TBC1D14: variants seen among roughly 807,000 people sequenced by gnomAD.
TBC1D14 encodes the protein TBC1 domain family, member 14.
Under a neutral mutation model 79.0 loss-of-function variants are expected in TBC1D14, and 26 were observed. The ratio of observed to expected loss-of-function variants is 0.33; its 90% CI spans 0.24 to 0.46. The LOEUF is 0.46. Ranked by LOEUF, TBC1D14 falls within the 20% of genes least tolerant of loss-of-function variation. The probability of loss-of-function intolerance (pLI) is 1.00; values close to 1 mark genes in which losing one functional copy is unlikely to be tolerated. For synonymous variants in TBC1D14, 394 were observed against 349.9 expected (o/e 1.13, Z -1.40); for missense variants, 769 against 887.6 (o/e 0.87, Z 1.70).
chr4:6,924,144 G>T, intron 2 of TBC1D14, 33 bp downstream of exon 2: 1 of 1,585,122 alleles, frequency 6.3e-7, no homozygotes, highest in Non-Finnish European at 8.6e-7. Context: ...GAAGATCGTG[G>T]TGGTTGAGTC....
intron 3 of TBC1D14, among the ~76,000 whole-genome samples, chr4:6,975,853 G>T (rs1716670429): frequency 2.0e-5 from 3 of 152,316 alleles, no homozygotes; most frequent in South Asian, 2.1e-4. Flanking sequence ...AGCACTTTGG[G>T]AGGCTGAGGC....
At chr4:6,960,481 C>T (rs1359692127) in intron 2 of TBC1D14, among the ~76,000 whole-genome samples, 1 of 152,122 alleles carries the variant, frequency 6.6e-6, no homozygotes, top group Admixed American at 6.5e-5. Context: ...TGTGGCTGTA[C>T]AGGCAAATGC....
intron 2 of TBC1D14, among the ~76,000 whole-genome samples, chr4:6,936,267 T>A (rs1188229673): frequency 6.6e-6 from 1 of 152,232 alleles, no homozygotes; most frequent in Non-Finnish European, 1.5e-5. Flanking sequence ...CGTATCACAC[T>A]GAGGAGTTTC....
At chr4:6,972,747 C>G (rs966693723) in intron 3 of TBC1D14, among the ~76,000 whole-genome samples, 12 of 152,180 alleles carry the variant, frequency 7.9e-5, no homozygotes, top group African/African-American at 2.7e-4. Flanking sequence ...TGTATTCTCT[C>G]TCTTGGACAC....
intron 3 of TBC1D14, among the ~76,000 whole-genome samples, chr4:6,970,733 G>T (rs1322762667): frequency 6.8e-6 from 1 of 147,866 alleles, no homozygotes; most frequent in Non-Finnish European, 1.5e-5. Context: ...CTGGGGTCAG[G>T]TGTGCACACT....
chr4:6,979,406 A>T (rs779356256), intron 3 of TBC1D14, among the ~76,000 whole-genome samples: 1 of 152,148 alleles, frequency 6.6e-6, no homozygotes, highest in Non-Finnish European at 1.5e-5. Flanking sequence ...GCAGACGATT[A>T]CTTGAAGCCA....
chr4:6,962,511 C>G (rs553379259), intron 2 of TBC1D14, among the ~76,000 whole-genome samples: 1 of 152,254 alleles, frequency 6.6e-6, no homozygotes, highest in East Asian at 1.9e-4. Flanking sequence ...CTTAATGCTG[C>G]TAGTAGAGTG....
At chr4:7,012,587 C>T (rs995983927) in intron 11 of TBC1D14, among the ~76,000 whole-genome samples, 1 of 152,150 alleles carries the variant, frequency 6.6e-6, no homozygotes, top group African/African-American at 2.4e-5. Context: ...GGTAAGTGAT[C>T]AGTAGTGATG....
chr4:6,956,936 G>A (rs990091758), intron 2 of TBC1D14, among the ~76,000 whole-genome samples: 2 of 152,208 alleles, frequency 1.3e-5, no homozygotes, highest in African/African-American at 4.8e-5. Context: ...AGCTGCTTCC[G>A]GCTACTTGGT....
chr4:7,010,000 A>C, intron 10 of TBC1D14, 52 bp downstream of exon 10: 1 of 1,599,678 alleles, frequency 6.3e-7, no homozygotes, highest in Non-Finnish European at 8.6e-7. Context: ...AAAGAAAGTC[A>C]GATATTGTCC....
intron 1 of TBC1D14, among the ~76,000 whole-genome samples, chr4:6,922,926 C>T (rs1329102380): frequency 2.0e-5 from 3 of 152,154 alleles, no homozygotes; most frequent in Non-Finnish European, 4.4e-5. Flanking sequence ...CTGGGCCAGG[C>T]GTGGTGGCTC....
At chr4:7,025,316 A>T (rs545519992) in intron 13 of TBC1D14, 54 bp downstream of exon 13, 1 of 1,602,344 alleles carries the variant, frequency 6.2e-7, no homozygotes, top group East Asian at 2.2e-5. Context: ...AAGTGGCGCG[A>T]CTCAGGAAGG....
chr4:6,916,653 G>A (rs796429626), intron 1 of TBC1D14, among the ~76,000 whole-genome samples: 9 of 152,238 alleles, frequency 5.9e-5, no homozygotes, highest in African/African-American at 1.7e-4. Context: ...TGAATCCCTC[G>A]GGGGCAGCTG....
intron 6 of TBC1D14, among the ~76,000 whole-genome samples, chr4:7,000,002 G>T (rs901821884): frequency 6.6e-6 from 1 of 152,216 alleles, no homozygotes; most frequent in Admixed American, 6.5e-5. Context: ...GAGCTTGGAT[G>T]CCAGCTTCCC....
At chr4:6,952,366 G>A (rs1486941882) in intron 2 of TBC1D14, among the ~76,000 whole-genome samples, 2 of 152,186 alleles carry the variant, frequency 1.3e-5, no homozygotes, top group Non-Finnish European at 1.5e-5. Context: ...GGGTTTGATC[G>A]TATTCATTAA....
In TBC1D14 at chr4:6,953,629, CAAAAAAAAAAAA is replaced by C. The variant is rs750667631; in HGVS notation, c.723-13664_723-13653del. Among the ~76,000 whole-genome samples, 117 of 55,054 alleles carry C rather than the reference CAAAAAAAAAAAA, an allele frequency of 2.1e-3. 2 individuals are homozygous for C. In the South Asian group the frequency reaches 0.034, roughly 16 times the overall value. 36.1% of individuals were successfully genotyped at this position (55,054 alleles called of 152,430 possible). ...CCTGGGCGACAGCGAGACTCCGTCT[CAAAAAAAAAAAA>C]AAAAAAAAAAGAATAGATCAGTTTT... On this transcript the variant is annotated intron_variant, in intron 2 of 13. Transcript: ENST00000409757.
At chr4:6,931,011 C>T (rs1185449258) in intron 2 of TBC1D14, among the ~76,000 whole-genome samples, 3 of 152,108 alleles carry the variant, frequency 2.0e-5, no homozygotes. Flanking sequence ...AACGCTTCTC[C>T]TGCCTCAGCC....
At chr4:7,009,483 A>C (rs1398787149) in intron 9 of TBC1D14, among the ~76,000 whole-genome samples, 1 of 152,202 alleles carries the variant, frequency 6.6e-6, no homozygotes, top group African/African-American at 2.4e-5. Context: ...GATAGTCAGG[A>C]TGTGGGGCAC....
At chr4:6,945,138 A>G (rs963097235) in intron 2 of TBC1D14, among the ~76,000 whole-genome samples, 6 of 152,146 alleles carry the variant, frequency 3.9e-5, no homozygotes, top group African/African-American at 1.2e-4. Context: ...ACATTGTGTC[A>G]GGCTCTGAGC....
Sources: allele counts gnomAD v4.1 joint callset (sites outside exome capture counted in the v4.1 genomes callset), GRCh38; gene constraint gnomAD v4.1.1; transcripts MANE v1.5; gene names NCBI Gene and HGNC (gene_info 2026-07-23, HGNC 2026-07-21).